PALM2AKAP2: variants seen among roughly 807,000 people sequenced by gnomAD.
PALM2AKAP2 encodes PALM2 and AKAP2 fusion, also known as PALM2-AKAP2 fusion protein.
A neutral mutation model predicts 71.5 loss-of-function variants in PALM2AKAP2; 37 were observed. That is an observed-to-expected ratio of 0.52 (90% CI 0.40 to 0.68). PALM2AKAP2 has a LOEUF of 0.68. PALM2AKAP2 is among the 30% of genes least tolerant of loss of function. The pLI is 0.00. For missense variants in PALM2AKAP2, 1,224 were observed against 1,191.8 expected, an observed-to-expected ratio of 1.03 and a Z score of -0.40; for synonymous variants, 468 against 478.8, an observed-to-expected ratio of 0.98 and a Z score of 0.29.
intron 1 of PALM2AKAP2, among the ~76,000 whole-genome samples, chr9:110,056,394 A>G (rs1375797746): frequency 1.3e-5 from 2 of 152,132 alleles, no homozygotes; most frequent in Non-Finnish European, 2.9e-5. Context: ...AGCCATTTTT[A>G]TTTGGGTGGG....
chr9:109,765,655 T>C (rs958159548), intron 1 of PALM2AKAP2: 1 of 152,352 alleles, frequency 6.6e-6, no homozygotes, highest in Non-Finnish European at 1.5e-5. Flanking sequence ...AAAAGTCTGA[T>C]GTGCAGTCAC....
intron 3 of PALM2AKAP2, among the ~76,000 whole-genome samples, chr9:110,166,008 T>G (rs747861151): frequency 6.6e-6 from 1 of 152,218 alleles, no homozygotes; most frequent in Non-Finnish European, 1.5e-5. Context: ...TGTAAACCTT[T>G]CTGTTTGTAT....
chr9:110,137,238 A>T lies in PALM2AKAP2; in HGVS notation c.1268A>T (p.Glu423Val). 6 of 1,614,252 alleles carry T rather than the reference A, an allele frequency of 3.7e-6. 1 individual carries two copies. Among genetic ancestry groups the T allele is most frequent in the Non-Finnish European group, 5.1e-6 (6 of 1,180,044 alleles). The change falls in exon 2 of 4, where the codon GAG (glutamate) becomes GTG (valine). Residue 423 changes from glutamate to valine, a missense_variant. By Grantham distance (121) the Glu-to-Val change is moderately radical. Transcript: ENST00000374525. ...GCTCGCAAACAATTTCAGCTGATGG[A>T]GAATTCCAGGCAAGCGGTGGCCAAG...
intron 6 of PALM2AKAP2, among the ~76,000 whole-genome samples, chr9:109,960,325 C>T (rs533091036): frequency 7.8e-4 from 119 of 152,340 alleles, no homozygotes; most frequent in South Asian, 3.7e-3. Context: ...CTTTACCATA[C>T]GGCTGACCCT....
chr9:109,941,222 C>T (rs941112925), intron 6 of PALM2AKAP2, among the ~76,000 whole-genome samples: 1 of 143,190 alleles, frequency 7.0e-6, no homozygotes, highest in Admixed American at 7.3e-5. Flanking sequence ...TCTGGCCATA[C>T]AGAAACAGGC....
At chr9:110,165,143 G>A (rs1476756695) in intron 3 of PALM2AKAP2, among the ~76,000 whole-genome samples, 5 of 152,056 alleles carry the variant, frequency 3.3e-5, no homozygotes, top group African/African-American at 1.2e-4. Flanking sequence ...CAGTAACATC[G>A]TACTTAGGAC....
intron 1 of PALM2AKAP2, among the ~76,000 whole-genome samples, chr9:109,791,701 C>T (rs1201466265): frequency 6.6e-6 from 1 of 152,100 alleles, no homozygotes; most frequent in Admixed American, 6.5e-5. Flanking sequence ...CTTGGCTGAG[C>T]TTTTGGGACT....
chr9:110,134,855 G>A (rs139538047), intron 1 of PALM2AKAP2, among the ~76,000 whole-genome samples: 202 of 152,132 alleles, frequency 1.3e-3, no homozygotes, highest in African/African-American at 4.7e-3. Context: ...CAACCTAGGT[G>A]TTGTAAGGTC....
intron 1 of PALM2AKAP2, among the ~76,000 whole-genome samples, chr9:109,656,589 G>A (rs1827310533): frequency 6.6e-6 from 1 of 152,128 alleles, no homozygotes; most frequent in African/African-American, 2.4e-5. Flanking sequence ...ACTATTGGGG[G>A]ATTTTAAGCA....
chr9:109,879,987 G>T (rs4978853), intron 2 of PALM2AKAP2, among the ~76,000 whole-genome samples: 135,605 of 152,258 alleles, frequency 0.89, 60,552 homozygotes, highest in African/African-American at 0.93. Flanking sequence ...CATCAGCCAC[G>T]GTGCCCATCT....
chr9:109,817,756 A>G (rs1400857641), intron 1 of PALM2AKAP2, among the ~76,000 whole-genome samples: 1 of 152,146 alleles, frequency 6.6e-6, no homozygotes, highest in Non-Finnish European at 1.5e-5. Context: ...AACCAGCTGT[A>G]TTTTATTTAC....
At chr9:109,929,306 C>G (rs1831035603) in intron 5 of PALM2AKAP2, among the ~76,000 whole-genome samples, 1 of 152,138 alleles carries the variant, frequency 6.6e-6, no homozygotes, top group Non-Finnish European at 1.5e-5. Flanking sequence ...ACCAAGATCC[C>G]ATTCCACAGA....
At chr9:110,036,345 G>A (rs766055524) in intron 7 of PALM2AKAP2, among the ~76,000 whole-genome samples, 4 of 152,092 alleles carry the variant, frequency 2.6e-5, no homozygotes, top group Non-Finnish European at 5.9e-5. Context: ...AAGTATTTGG[G>A]CATGCATCTG....
At chr9:109,651,205 G>A (rs556117852) in intron 1 of PALM2AKAP2, among the ~76,000 whole-genome samples, 2 of 152,308 alleles carry the variant, frequency 1.3e-5, no homozygotes, top group Admixed American at 1.3e-4. Context: ...ATGGATGAGA[G>A]AAAATTGAGG....
intron 7 of PALM2AKAP2, among the ~76,000 whole-genome samples, chr9:110,037,907 C>T (rs1488059938): frequency 6.6e-6 from 1 of 152,102 alleles, no homozygotes; most frequent in Non-Finnish European, 1.5e-5. Flanking sequence ...TGGGATTCAC[C>T]TGTGCACAGC....
intron 6 of PALM2AKAP2, among the ~76,000 whole-genome samples, chr9:109,958,686 A>G (rs1831794088): frequency 6.6e-6 from 1 of 150,384 alleles, no homozygotes; most frequent in South Asian, 2.1e-4. Context: ...AAAGAAGGGA[A>G]GGAGAGGAAG....
chr9:109,889,832 C>A (rs1830045597), intron 3 of PALM2AKAP2, among the ~76,000 whole-genome samples: 2 of 152,276 alleles, frequency 1.3e-5, no homozygotes, highest in South Asian at 2.1e-4. Context: ...AGTTGAATTT[C>A]TTCCATACAC....
chr9:109,722,943 T>C (rs747066423), intron 1 of PALM2AKAP2, among the ~76,000 whole-genome samples: 9 of 152,182 alleles, frequency 5.9e-5, no homozygotes, highest in Non-Finnish European at 1.2e-4. Context: ...GCCTCATGTG[T>C]GATTCCATTT....
chr9:109,684,979 A>C (rs1827787597), intron 1 of PALM2AKAP2, among the ~76,000 whole-genome samples: 1 of 152,214 alleles, frequency 6.6e-6, no homozygotes, highest in African/African-American at 2.4e-5. Context: ...AAAAATAAAT[A>C]AATTACTGAT....
Sources: allele counts gnomAD v4.1 joint callset (sites outside exome capture counted in the v4.1 genomes callset), GRCh38; gene constraint gnomAD v4.1.1; transcripts MANE v1.5; gene names NCBI Gene and HGNC (gene_info 2026-07-23, HGNC 2026-07-21).